Variants in BAG1 observed in about 807,000 individuals in gnomAD.
BAG1 encodes BAG family molecular chaperone regulator 1.
BAG1 carries 35 observed loss-of-function variants against 35.5 expected under a neutral mutation model. The ratio of observed to expected loss-of-function variants is 0.99; its 90% CI spans 0.75 to 1.31. BAG1 has a LOEUF of 1.31. Ranked by LOEUF, BAG1 falls within the 50% of genes most tolerant of loss-of-function variation. BAG1 has a pLI of 0.00. For synonymous variants in BAG1, 191 were observed against 178.9 expected (o/e 1.07, Z -0.54); for missense variants, 464 against 453.6 (o/e 1.02, Z -0.21).
At position 33,253,274 on chromosome 9, in the gene BAG1, A is replaced by T. The variant is rs1820375615; in HGVS notation, c.*1945T>A. The T allele has an allele frequency of 6.6e-6, 1 of 152,188 alleles. No individual in the cohort carries two copies. The highest frequency in any genetic ancestry group is 2.1e-4 in the South Asian group (1 of 4,826). The allele number at this position is 152,188 out of a possible 1,614,324, so 9.4% of individuals were successfully genotyped here. A position where few individuals can be genotyped will look rare whatever the true frequency, so the allele number is the denominator to read the frequency against. On this transcript the variant is annotated 3_prime_UTR_variant, in exon 7 of 7. Transcript: ENST00000634734. ...AGAGGGGAAAAGCACTGGCTCTGAA[A>T]CCAAACCACCCAGCTTTGTGTCTTG...
At position 33,254,879 on chromosome 9, in the gene BAG1, A is replaced by G. The variant is rs2117921447; in HGVS notation, c.*340T>C. On this transcript the variant is annotated 3_prime_UTR_variant, in exon 7 of 7. Transcript: ENST00000634734. ...GTATCTGAAGACTGAGGGGGCCTATAAACCTGAAACTGGCCCAAGGCAAAT... is the reference window on the plus strand; with the variant it reads ...GTATCTGAAGACTGAGGGGGCCTATGAACCTGAAACTGGCCCAAGGCAAAT... The G allele has an allele frequency of 1.7e-6, 1 of 578,366 alleles. No individual in the cohort carries two copies. Among genetic ancestry groups the G allele is most frequent in the Middle Eastern group, 6.1e-4 (1 of 1,640 alleles). 35.8% of individuals were successfully genotyped at this position (578,366 alleles called of 1,614,324 possible).
Position 33,255,399 on chromosome 9 carries a change from C to A in BAG1, c.949-91G>T, listed in dbSNP as rs1820432178. ...TCCTTGCTTACCCATTCTGGGGAAC[C>A]CATGGCTGAGACTCAAAACAGATTG... On this transcript the variant is annotated intron_variant, in intron 6 of 6. Coordinates refer to ENST00000634734, the MANE Select transcript of BAG1 (RefSeq NM_004323.6). 5.0e-6 allele frequency: 8 copies of A among 1,587,342 alleles called. 1 individual carries two copies. In the South Asian group the frequency reaches 7.8e-5, roughly 15 times the overall value.
At chr9:33,256,364 T>C (rs755999209) in intron 5 of BAG1, among the ~76,000 whole-genome samples, 24 of 152,224 alleles carry the variant, frequency 1.6e-4, no homozygotes, top group African/African-American at 2.4e-4. Flanking sequence ...ATCATTACTA[T>C]CATCTGCAAA....
Position 33,253,820 on chromosome 9 carries a change from T to C in BAG1, c.*1399A>G, listed in dbSNP as rs1820388846. On this transcript the variant is annotated 3_prime_UTR_variant, in exon 7 of 7. Transcript: ENST00000634734. ...CTTTATGATGAGCACATAAACAGTT[T>C]TTTTTTCTTTTTATTTATCTACTTT... 1 of 152,020 alleles carries C rather than the reference T, an allele frequency of 6.6e-6. No individual in the cohort carries two copies. The highest frequency in any genetic ancestry group is 2.4e-5 in the African/African-American group (1 of 41,412). The allele number at this position is 152,020 out of a possible 1,614,324, so 9.4% of individuals were successfully genotyped here. A position where few individuals can be genotyped will look rare whatever the true frequency, so the allele number is the denominator to read the frequency against.
At chr9:33,256,055 A>C in intron 5 of BAG1, 128 bp from the exon 6 acceptor site, 1 of 812,484 alleles carries the variant, frequency 1.2e-6, no homozygotes, top group Non-Finnish European at 2.0e-6. Context: ...CAGGTCACCA[A>C]TGTAAATGTG....
chr9:33,262,808 A>G lies in BAG1; in HGVS notation c.474T>C (p.His158=). ...CACTGCTGCCCTGCTGGGAGGTAAC[A>G]TGAAGGTCGTGCTTCTCATTGCCTG... Residue 158 remains histidine, a synonymous_variant, in exon 2 of 7, where the codon CAT becomes CAC. Transcript: ENST00000634734. 1 of 1,613,654 alleles carries G rather than the reference A, an allele frequency of 6.2e-7. No individual in the cohort carries two copies. Among genetic ancestry groups the G allele is most frequent in the East Asian group, 2.2e-5 (1 of 44,890 alleles).
intron 1 of BAG1, 22 bp downstream of exon 1, chr9:33,264,202 C>G: frequency 6.3e-7 from 1 of 1,577,576 alleles, no homozygotes; most frequent in Non-Finnish European, 8.6e-7. Context: ...TGCATGGAGC[C>G]CACCTGGCGC....
chr9:33,258,291 T>G (rs1397205481), intron 4 of BAG1, among the ~76,000 whole-genome samples: 3 of 74,976 alleles, frequency 4.0e-5, no homozygotes, highest in Non-Finnish European at 7.0e-5. Context: ...AGAGCGAGAC[T>G]CCATATCAAA....
intron 2 of BAG1, chr9:33,262,076 G>A (rs550753653): frequency 2.1e-4 from 271 of 1,269,112 alleles, no homozygotes; most frequent in South Asian, 9.8e-4. Context: ...GGAGTACCAT[G>A]GTAACATATA....
At position 33,263,894 on chromosome 9, in the gene BAG1, G is replaced by A. The variant is rs751380210; in HGVS notation, c.451+330C>T. On this transcript the variant is annotated intron_variant, in intron 1 of 6. Transcript: ENST00000634734. ...ACTTATCACACACGGAGCAGTCGTAGACCACATGGCCCAATATATGCCTGA... is the reference window on the plus strand; with the variant it reads ...ACTTATCACACACGGAGCAGTCGTAAACCACATGGCCCAATATATGCCTGA... 3.3e-5 allele frequency among the ~76,000 whole-genome samples: 5 copies of A among 151,024 alleles called. No individual in the cohort carries two copies. The East Asian group carries it at 7.8e-4, about 24-fold the overall frequency.
rs767796673 is a variant in BAG1, at chr9:33,255,230, G to T, written c.1027C>A (p.Leu343Met). ...TTTTCTGCTACACCTCACTCGGCCA[G>T]GGCAAAGTTTGTAGACTGCAGCCGC... Residue 343 changes from leucine to methionine, a missense_variant, in exon 7 of 7, where the codon CTG (leucine) becomes ATG (methionine). Transcript: ENST00000634734. 7.4e-6 allele frequency: 12 copies of T among 1,614,222 alleles called. No homozygotes were observed. In the South Asian group the frequency reaches 1.3e-4, roughly 18 times the overall value.
Position 33,261,184 on chromosome 9 carries a change from A to G in BAG1, c.581-15T>C. On this transcript the variant is annotated splice_polypyrimidine_tract_variant and intron_variant, in intron 2 of 6. Coordinates refer to ENST00000634734, the MANE Select transcript of BAG1 (RefSeq NM_004323.6). ...CAGAGATTTTCCTAAAAAGAGGAGA[A>G]AGGTAGGCCAAGTTGTAATAATTGT... The G allele has an allele frequency of 6.4e-7, 1 of 1,566,792 alleles. No individual in the cohort carries two copies. The highest frequency in any genetic ancestry group is 8.7e-7 in the Non-Finnish European group (1 of 1,143,746).
At chr9:33,261,247 T>C (rs1820564266) in intron 2 of BAG1, 78 bp from the exon 3 acceptor site, 1 of 1,086,394 alleles carries the variant, frequency 9.2e-7, no homozygotes, top group Non-Finnish European at 1.4e-6. Context: ...ATACAGGAAA[T>C]AGACAAGTGT....
At chr9:33,263,607 C>A (rs1352978152) in intron 1 of BAG1, among the ~76,000 whole-genome samples, 1 of 152,138 alleles carries the variant, frequency 6.6e-6, no homozygotes, top group African/African-American at 2.4e-5. Flanking sequence ...GCCGTCCATC[C>A]CAAGGTCACT....
At position 33,264,483 on chromosome 9, in the gene BAG1, G is replaced by A. The variant is rs201904238; in HGVS notation, c.192C>T (p.Ala64=). The A allele has an allele frequency of 2.5e-6, 4 of 1,611,428 alleles. No individual in the cohort carries two copies. The highest frequency in any genetic ancestry group is 3.3e-5 in the Admixed American group (2 of 59,798). The stretch of plus-strand genomic sequence containing the variant: ...TCATCCGCGGCCTGCGAGCGCCGGC[G>A]GCGGCGCCCCTGGTGGGTCGGTCAT... The change falls in exon 1 of 7, where the codon GCC becomes GCT. Residue 64 remains alanine (A), a synonymous_variant. Transcript: ENST00000634734.
intron 5 of BAG1, 114 bp downstream of exon 5, chr9:33,256,687 T>C: frequency 1.2e-6 from 1 of 824,726 alleles, no homozygotes; most frequent in Non-Finnish European, 2.0e-6. Flanking sequence ...AGATGCTTAA[T>C]ATTCTCAAGT....
chr9:33,255,107 A>G lies in BAG1; in HGVS notation c.*112T>C, dbSNP rs1444627014. On this transcript the variant is annotated 3_prime_UTR_variant, in exon 7 of 7. Coordinates refer to ENST00000634734, the MANE Select transcript of BAG1 (RefSeq NM_004323.6). ...CCAGTGTGAGAGTAGGAAAATTGGC[A>G]AATGGCCAGTTGCCCCCAGCAGCCC... The G allele has an allele frequency of 1.2e-6, 2 of 1,609,922 alleles. No individual in the cohort carries two copies. The highest frequency in any genetic ancestry group is 1.7e-6 in the Non-Finnish European group (2 of 1,177,870).
chr9:33,258,484 T>G (rs184584593), intron 4 of BAG1, among the ~76,000 whole-genome samples: 141 of 152,216 alleles, frequency 9.3e-4, no homozygotes, highest in African/African-American at 3.2e-3. Context: ...CATGTTCAAC[T>G]TGGACCTTCT....
intron 4 of BAG1, chr9:33,257,276 T>C: frequency 5.1e-6 from 1 of 194,838 alleles, no homozygotes; most frequent in Non-Finnish European, 1.0e-5. Context: ...CTTGAGCAAA[T>C]TATTTAGCCT....
Sources: gnomAD v4.1 joint callset for allele counts (sites outside exome capture counted in the v4.1 genomes callset) on GRCh38, gnomAD v4.1.1 for gene constraint, MANE v1.5 for transcripts, NCBI Gene and HGNC (gene_info 2026-07-23, HGNC 2026-07-21) for gene names.